Variants in TPD52L2 observed in about 807,000 individuals in gnomAD.
TPD52L2 encodes the protein TPD52 like 2.
TPD52L2 carries 19 observed loss-of-function variants against 24.7 expected under a neutral mutation model. The observed-to-expected ratio is 0.77, with a 90% CI of 0.54 to 1.13. The LOEUF is 1.13. TPD52L2 is among the 50% of genes most tolerant of loss of function. TPD52L2 has a pLI of 0.00. For synonymous variants in TPD52L2, 104 were observed against 100.2 expected (o/e 1.04, Z -0.23); for missense variants, 236 against 250.4 (o/e 0.94, Z 0.39).
intron 5 of TPD52L2, among the ~76,000 whole-genome samples, chr20:63,886,242 C>T (rs561341997): frequency 3.6e-4 from 55 of 152,262 alleles, no homozygotes; most frequent in Non-Finnish European, 6.5e-4. Context: ...AGAGGCCCCC[C>T]GGAACCCCCC....
intron 4 of TPD52L2, among the ~76,000 whole-genome samples, chr20:63,882,406 T>A (rs1424798598): frequency 6.6e-6 from 1 of 152,194 alleles, no homozygotes; most frequent in Non-Finnish European, 1.5e-5. Context: ...TTAGTGGGTA[T>A]CAGGCAAGGG....
chr20:63,871,637 AG>A (rs1357865843), intron 2 of TPD52L2, among the ~76,000 whole-genome samples: 1 of 142,210 alleles, frequency 7.0e-6, no homozygotes, highest in Non-Finnish European at 1.6e-5. Flanking sequence ...CGCAAGAAAG[AG>A]TTTTTTTTTT....
At chr20:63,873,608 A>G (rs1015563296) in intron 2 of TPD52L2, 60 bp from the exon 3 acceptor site, 4 of 1,587,484 alleles carry the variant, frequency 2.5e-6, no homozygotes, top group Non-Finnish European at 3.4e-6. Flanking sequence ...ACTGTGCATG[A>G]GGATGTTAGT....
chr20:63,885,969 C>T (rs1317324563), intron 5 of TPD52L2: 1 of 1,610,926 alleles, frequency 6.2e-7, no homozygotes, highest in Non-Finnish European at 8.5e-7. Context: ...TGCTGGCCTC[C>T]CTTGCTTACA....
intron 4 of TPD52L2, 83 bp from the exon 5 acceptor site, chr20:63,882,636 C>T (rs1304383424): frequency 1.2e-5 from 13 of 1,103,624 alleles, no homozygotes; most frequent in Middle Eastern, 2.0e-4. Context: ...TTTCCTCGGG[C>T]GTGCTCCCAG....
rs1568944556 is a variant in TPD52L2 at position 63,874,226 on chromosome 20, T to TG, written c.314+410_314+411insG. On this transcript the variant is annotated intron_variant, in intron 3 of 6. Transcript: ENST00000346249. ...CCCACCGCGCCCGGCTGATTTTTTT[T>TG]TTTGTGTGTGTGTGTGTGTGTGTGT... is the stretch of plus-strand genomic sequence containing the variant. 2.3e-4 allele frequency among the ~76,000 whole-genome samples: 31 copies of TG among 135,074 alleles called. No individual in the cohort carries two copies. In the East Asian group the frequency reaches 3.9e-3, roughly 17 times the overall value. The allele number at this position is 135,074 out of a possible 152,430, so 88.6% of individuals were successfully genotyped here. A position where few individuals can be genotyped will look rare whatever the true frequency, so the allele number is the denominator to read the frequency against.
intron 4 of TPD52L2, among the ~76,000 whole-genome samples, chr20:63,878,168 C>T (rs2052762759): frequency 6.6e-6 from 1 of 152,250 alleles, no homozygotes; most frequent in African/African-American, 2.4e-5. Flanking sequence ...GCATCCTGAC[C>T]CACGTGTTTG....
intron 3 of TPD52L2, among the ~76,000 whole-genome samples, chr20:63,875,520 C>T (rs1267868267): frequency 6.6e-6 from 1 of 152,220 alleles, no homozygotes; most frequent in Non-Finnish European, 1.5e-5. Flanking sequence ...GTGGGCTGTG[C>T]CCTTCCAGTC....
chr20:63,886,427 C>T (rs1006609476), intron 5 of TPD52L2, among the ~76,000 whole-genome samples: 5 of 151,542 alleles, frequency 3.3e-5, no homozygotes, highest in East Asian at 1.9e-4. Flanking sequence ...GTGGCGCGAT[C>T]TCGGCTCACT....
rs927280270 is a variant in TPD52L2 at position 63,874,212 on chromosome 20, C to T, written c.314+396C>T. Among the ~76,000 whole-genome samples the T allele has an allele frequency of 1.2e-3, 171 of 145,528 alleles. 2 individuals carry two copies. The highest frequency in any genetic ancestry group is 3.9e-3 in the African/African-American group (152 of 38,746). On this transcript the variant is annotated intron_variant, in intron 3 of 6. Transcript: ENST00000346249. ...GATTACAGGCGCCTCCCACCGCGCC[C>T]GGCTGATTTTTTTTTTTGTGTGTGT...
In TPD52L2 at chr20:63,884,427, C is replaced by A. The variant is rs138365811; in HGVS notation, c.476+1607C>A. On this transcript the variant is annotated intron_variant, in intron 5 of 6. Coordinates refer to ENST00000346249, the MANE Select transcript of TPD52L2 (RefSeq NM_003288.4). ...TTGCCCACTCTTAGTGTCCACACTC[C>A]CTTTTGAGTTTGTTCAGACCATTGT... Among the ~76,000 whole-genome samples the A allele has an allele frequency of 2.1e-4, 32 of 152,338 alleles. No homozygotes were observed. The East Asian group carries it at 5.6e-3, about 27-fold the overall frequency.
At chr20:63,869,620 C>T (rs1052498898) in intron 2 of TPD52L2, among the ~76,000 whole-genome samples, 179 bp downstream of exon 2, 3 of 152,206 alleles carry the variant, frequency 2.0e-5, no homozygotes, top group African/African-American at 2.4e-5. Context: ...ATGCACTGGA[C>T]TCAGAGCCAC....
chr20:63,867,481 G>A (rs1465974555), intron 1 of TPD52L2, among the ~76,000 whole-genome samples: 2 of 151,896 alleles, frequency 1.3e-5, no homozygotes, highest in African/African-American at 4.8e-5. Flanking sequence ...CAGGAGAATC[G>A]ATTGAACCCA....
At chr20:63,879,778 T>C (rs567756405) in intron 4 of TPD52L2, among the ~76,000 whole-genome samples, 1 of 124,428 alleles carries the variant, frequency 8.0e-6, no homozygotes, top group Non-Finnish European at 1.7e-5. Context: ...TCCCCACTCT[T>C]AGGGCACAAA....
chr20:63,867,830 G>C (rs1418595001), intron 1 of TPD52L2, among the ~76,000 whole-genome samples: 4 of 150,618 alleles, frequency 2.7e-5, no homozygotes, highest in Non-Finnish European at 5.9e-5. Flanking sequence ...AAGAGACGGG[G>C]TTTCACCATA....
At chr20:63,887,878 C>T in intron 5 of TPD52L2, 3 of 541,052 alleles carry the variant, frequency 5.5e-6, no homozygotes, top group Non-Finnish European at 9.9e-6. Flanking sequence ...ACCCTGGCTG[C>T]CTGCAGTGGG....
intron 2 of TPD52L2, among the ~76,000 whole-genome samples, chr20:63,871,635 A>T (rs2052468020): frequency 7.1e-6 from 1 of 140,874 alleles, no homozygotes; most frequent in Non-Finnish European, 1.6e-5. Context: ...CACGCAAGAA[A>T]GAGTTTTTTT....
intron 3 of TPD52L2, among the ~76,000 whole-genome samples, chr20:63,875,276 C>T (rs1392116102): frequency 6.6e-6 from 1 of 152,002 alleles, no homozygotes; most frequent in Non-Finnish European, 1.5e-5. Context: ...GGACACCTGT[C>T]CCAGATGTCG....
At chr20:63,875,540 A>G (rs2052640013) in intron 3 of TPD52L2, among the ~76,000 whole-genome samples, 1 of 152,254 alleles carries the variant, frequency 6.6e-6, no homozygotes, top group Non-Finnish European at 1.5e-5. Flanking sequence ...CCCCCACAGC[A>G]GTGCTGTTGC....
Sources: gnomAD v4.1 joint callset for allele counts (sites outside exome capture counted in the v4.1 genomes callset) on GRCh38, gnomAD v4.1.1 for gene constraint, MANE v1.5 for transcripts, NCBI Gene and HGNC (gene_info 2026-07-23, HGNC 2026-07-21) for gene names.